ZNF609: variants seen among roughly 807,000 people sequenced by gnomAD.
ZNF609 encodes the protein zinc finger protein 609.
Under a neutral mutation model 109.5 loss-of-function variants are expected in ZNF609, and 11 were observed. That is an observed-to-expected ratio of 0.10 (90% CI 0.06 to 0.17). The LOEUF (loss-of-function observed/expected upper bound fraction) is 0.17, where lower values mean the gene tolerates loss of function less well. ZNF609 is among the 10% of genes least tolerant of loss of function. The pLI, the probability that ZNF609 is intolerant of heterozygous loss-of-function variation, is 1.00. For missense variants in ZNF609, 1,559 were observed against 1,772.4 expected (o/e 0.88, Z 2.16); for synonymous variants, 646 against 662.0 (o/e 0.98, Z 0.37).
intron 2 of ZNF609, among the ~76,000 whole-genome samples, chr15:64,586,939 A>G (rs935866340): frequency 2.6e-5 from 4 of 152,174 alleles, no homozygotes; most frequent in Non-Finnish European, 2.9e-5. Flanking sequence ...CTTGTCTTTT[A>G]TCTCCAGAAT....
intron 2 of ZNF609, chr15:64,593,421 A>G (rs1433102741): frequency 2.8e-6 from 2 of 702,838 alleles, no homozygotes; most frequent in Non-Finnish European, 2.5e-6. Flanking sequence ...TAATGTTTTA[A>G]GTTATAGCTA....
chr15:64,574,363 T>C (rs190977888), intron 2 of ZNF609, among the ~76,000 whole-genome samples: 1 of 152,026 alleles, frequency 6.6e-6, no homozygotes. Flanking sequence ...CTAGGCCTAG[T>C]ACATACATGC....
chr15:64,620,444 T>C (rs1160092774), intron 2 of ZNF609, among the ~76,000 whole-genome samples: 2 of 152,214 alleles, frequency 1.3e-5, no homozygotes, highest in African/African-American at 2.4e-5. Flanking sequence ...TGTTGTTTTT[T>C]ACCTTCACTT....
intron 3 of ZNF609, chr15:64,631,272 C>T (rs1487086812): frequency 1.5e-6 from 1 of 659,824 alleles, no homozygotes; most frequent in Admixed American, 1.9e-5. Context: ...TCACATGTTT[C>T]AGGAAGCTAT....
At chr15:64,562,007 TA>T (rs1429732887) in intron 2 of ZNF609, among the ~76,000 whole-genome samples, 3 of 152,228 alleles carry the variant, frequency 2.0e-5, no homozygotes, top group Non-Finnish European at 4.4e-5. Flanking sequence ...ATATATTTTA[TA>T]ATGTACCACC....
chr15:64,494,037 A>G (rs1039232910), intron 1 of ZNF609, among the ~76,000 whole-genome samples: 15 of 152,192 alleles, frequency 9.9e-5, no homozygotes, highest in Admixed American at 9.8e-4. Context: ...CTGGGTTTGG[A>G]AACCTAGATT....
chr15:64,649,274 A>T (rs1896380382), intron 3 of ZNF609, among the ~76,000 whole-genome samples: 1 of 152,202 alleles, frequency 6.6e-6, no homozygotes, highest in South Asian at 2.1e-4. Flanking sequence ...TAAACTCATT[A>T]TCACTGTATA....
intron 1 of ZNF609, among the ~76,000 whole-genome samples, chr15:64,479,284 ATTTTTTTTTTTTT>A (rs34496032): frequency 2.3e-5 from 2 of 86,542 alleles, no homozygotes; most frequent in East Asian, 3.9e-4. Context: ...TACCTGTGTG[ATTTTTTTTTTTTT>A]TTTTTTTTTT....
At chr15:64,624,770 T>C (rs2140974314) in intron 3 of ZNF609, among the ~76,000 whole-genome samples, 1 of 151,004 alleles carries the variant, frequency 6.6e-6, no homozygotes, top group South Asian at 2.1e-4. Flanking sequence ...ACTTTTTTTT[T>C]TTTTTTTGAG....
At chr15:64,625,665 C>T (rs989393123) in intron 3 of ZNF609, among the ~76,000 whole-genome samples, 1 of 151,272 alleles carries the variant, frequency 6.6e-6, no homozygotes, top group East Asian at 1.9e-4. Context: ...CCGAGGCGGG[C>T]GGATCACGAG....
At chr15:64,563,704 A>G (rs567151789) in intron 2 of ZNF609, among the ~76,000 whole-genome samples, 2 of 152,104 alleles carry the variant, frequency 1.3e-5, no homozygotes, top group East Asian at 3.9e-4. Flanking sequence ...TGAACCTAGG[A>G]GGCAGAAGTT....
chr15:64,465,126 G>C (rs1023536000), intron 1 of ZNF609, among the ~76,000 whole-genome samples: 96 of 152,104 alleles, frequency 6.3e-4, no homozygotes, highest in Non-Finnish European at 6.0e-4. Flanking sequence ...TGGTAATTCA[G>C]TGTTTCTAGT....
rs974218283 is a variant in ZNF609 at position 64,622,967 on chromosome 15, G to A, written c.888G>A (p.Leu296=). 1.2e-6 allele frequency: 2 copies of A among 1,614,206 alleles called. No individual in the cohort carries two copies. Among genetic ancestry groups the A allele is most frequent in the Non-Finnish European group, 1.7e-6 (2 of 1,180,032 alleles). Residue 296 remains leucine, a synonymous_variant, in exon 3 of 10, where the codon CTG becomes CTA. Coordinates refer to ENST00000326648, the MANE Select transcript of ZNF609 (RefSeq NM_015042.2). Reference sequence around the variant, plus strand: ...GGGTCAACACATGTGATGTGGCTCTGGCCACAGAGCCTGAGTGCTTGGGCC... The same window carrying A: ...GGGTCAACACATGTGATGTGGCTCTAGCCACAGAGCCTGAGTGCTTGGGCC... ...SVGVNTCDVA[L]ATEPECLGPC... is the part of the protein sequence containing the mutation.
intron 3 of ZNF609, among the ~76,000 whole-genome samples, chr15:64,628,998 C>T (rs1277770220): frequency 6.6e-6 from 1 of 152,122 alleles, no homozygotes; most frequent in African/African-American, 2.4e-5. Context: ...TTTCTCATAC[C>T]AGTTTTCCAG....
At chr15:64,567,281 C>T (rs549812899) in intron 2 of ZNF609, among the ~76,000 whole-genome samples, 7 of 151,840 alleles carry the variant, frequency 4.6e-5, no homozygotes, top group Admixed American at 2.0e-4. Flanking sequence ...GTCAAGAGAT[C>T]GAGACCATCT....
chr15:64,545,305 T>A (rs1246959107), intron 2 of ZNF609, among the ~76,000 whole-genome samples: 2 of 151,766 alleles, frequency 1.3e-5, no homozygotes, highest in African/African-American at 2.4e-5. Context: ...CTCAAGCCAA[T>A]CTCCCACCTC....
chr15:64,593,294 G>A, intron 2 of ZNF609: 3 of 1,463,722 alleles, frequency 2.0e-6, no homozygotes, highest in Non-Finnish European at 2.8e-6. Context: ...ACCTGCGGGT[G>A]CTGCCCCACG....
upstream of ZNF609, among the ~76,000 whole-genome samples, chr15:64,460,183 C>T (rs941576370): frequency 2.6e-5 from 4 of 152,070 alleles, no homozygotes; most frequent in East Asian, 3.9e-4. Context: ...AGATCCCCTA[C>T]GGCCCTTTCC....
intron 2 of ZNF609, among the ~76,000 whole-genome samples, chr15:64,585,813 AT>A (rs1442211386): frequency 2.0e-5 from 3 of 152,124 alleles, no homozygotes; most frequent in African/African-American, 4.8e-5. Flanking sequence ...ATTCTAAAGG[AT>A]TCTGAAATAT....
Sources: allele counts gnomAD v4.1 joint callset (sites outside exome capture counted in the v4.1 genomes callset), GRCh38; gene constraint gnomAD v4.1.1; transcripts MANE v1.5; gene names NCBI Gene and HGNC (gene_info 2026-07-23, HGNC 2026-07-21).